Variants in ADD2 observed in about 807,000 individuals in gnomAD.
The protein encoded by ADD2 is adducin 2.
Under a neutral mutation model 83.0 loss-of-function variants are expected in ADD2, and 23 were observed. That is an observed-to-expected ratio of 0.28 (90% CI 0.20 to 0.39). The LOEUF (loss-of-function observed/expected upper bound fraction) is 0.39. Among genes scored for constraint, ADD2 ranks in the 10% least tolerant of loss-of-function variants. ADD2 has a pLI of 1.00. For missense variants in ADD2, 758 were observed against 944.9 expected (o/e 0.80, Z 2.59); for synonymous variants, 375 against 375.4 (o/e 1.00, Z 0.01).
intron 6 of ADD2, among the ~76,000 whole-genome samples, chr2:70,693,256 C>T (rs1326700347): frequency 4.6e-5 from 7 of 152,196 alleles, no homozygotes; most frequent in South Asian, 2.1e-4. Flanking sequence ...CCTCCCAGTA[C>T]GCTCTCACTG....
At position 70,695,780 on chromosome 2, in the gene ADD2, C is replaced by G. The variant is rs782679239; in HGVS notation, c.496G>C (p.Asp166His). Reference protein sequence around the residue: ...YVTLRVSKEQDHFLISPKGVS... With the variant: ...YVTLRVSKEQHHFLISPKGVS... ...CCCTTAGGGCTGATCAGGAAGTGGT[C>G]CTGCTCCTTGCTGACTCTCAACTGG... The change falls in exon 6 of 16, where the codon GAC becomes CAC. Residue 166 changes from aspartate (D) to histidine (H), a missense_variant. By Grantham distance (81) the Asp-to-His change is moderately conservative. Around this residue, in one of 5 missense-constraint regions of ADD2, gnomAD observed 394 missense variants for 509.3 expected, o/e 0.77. Coordinates refer to ENST00000264436, the MANE Select transcript of ADD2 (RefSeq NM_001617.4). 3.1e-6 allele frequency: 5 copies of G among 1,614,110 alleles called. No homozygotes were observed. The Admixed American group carries it at 5.0e-5, about 16-fold the overall frequency.
chr2:70,717,394 C>T (rs527381651), intron 1 of ADD2, among the ~76,000 whole-genome samples: 18 of 152,282 alleles, frequency 1.2e-4, no homozygotes, highest in South Asian at 2.1e-4. Context: ...TTGTTAAAAT[C>T]GGCTTAAGCT....
intron 1 of ADD2, among the ~76,000 whole-genome samples, chr2:70,738,834 T>C (rs1024778102): frequency 7.2e-5 from 11 of 152,182 alleles, no homozygotes; most frequent in Non-Finnish European, 1.6e-4. Flanking sequence ...AGCTGAGCCA[T>C]AAGCAGAAGA....
Position 70,736,824 on chromosome 2 carries a change from A to C in ADD2, c.-153-23640T>G, listed in dbSNP as rs142510530. ...GAATGCTCGAATAATATGAGCTTGG[A>C]GGTAAGCAGAATCATTAGTCCAGGA... On this transcript the variant is annotated intron_variant, in intron 1 of 15. Coordinates refer to ENST00000264436, the MANE Select transcript of ADD2 (RefSeq NM_001617.4). Among the ~76,000 whole-genome samples, 1,206 of 151,254 alleles carry C rather than the reference A, an allele frequency of 8.0e-3. 12 individuals are homozygous for C. The highest frequency in any genetic ancestry group is 0.028 in the African/African-American group (1,146 of 41,068).
In ADD2 at chr2:70,706,302, T is replaced by G; in HGVS notation, c.107A>C (p.Asn36Thr). ...GTCCTGCCGCAGGTCCGCCGCCCGG[T>G]TGCGAAGGCGCATGTACTCGGGGTC... ...EDDPEYMRLR[N>T]RAADLRQDFN... Residue 36 changes from asparagine (N) to threonine (T), a missense_variant, in exon 3 of 16, where the codon AAC becomes ACC. Coordinates refer to ENST00000264436, the MANE Select transcript of ADD2 (RefSeq NM_001617.4). This position sits in a 1 kb window ranked among gnomAD's most constrained non-coding sequence, Gnocchi z 5.0. 3.7e-6 allele frequency: 6 copies of G among 1,614,072 alleles called. No homozygotes were observed. The highest frequency in any genetic ancestry group is 5.1e-6 in the Non-Finnish European group (6 of 1,179,996).
intron 10 of ADD2, among the ~76,000 whole-genome samples, chr2:70,680,313 T>A (rs1230343894): frequency 3.3e-5 from 5 of 152,214 alleles, no homozygotes; most frequent in Non-Finnish European, 7.3e-5. Context: ...ATAAAGTGCC[T>A]GCTTTTCCTG....
chr2:70,732,204 T>C (rs1025899335), intron 1 of ADD2, among the ~76,000 whole-genome samples: 2 of 152,078 alleles, frequency 1.3e-5, no homozygotes, highest in Admixed American at 6.5e-5. Flanking sequence ...CGAAAATATA[T>C]AGTATGAAGC....
intron 1 of ADD2, among the ~76,000 whole-genome samples, chr2:70,746,017 A>G (rs1297472157): frequency 1.3e-5 from 2 of 152,260 alleles, no homozygotes; most frequent in African/African-American, 2.4e-5. Flanking sequence ...TAAATAATAG[A>G]TATCCCTTTT....
At chr2:70,717,347 A>G (rs1016178247) in intron 1 of ADD2, among the ~76,000 whole-genome samples, 4 of 152,218 alleles carry the variant, frequency 2.6e-5, no homozygotes, top group Non-Finnish European at 4.4e-5. Flanking sequence ...CAAAAGGTCT[A>G]CAAGGGGAGT....
At chr2:70,687,903 G>A in intron 9 of ADD2, 121 bp downstream of exon 9, 1 of 685,322 alleles carries the variant, frequency 1.5e-6, no homozygotes, top group South Asian at 1.9e-5. Context: ...AATAGGGCAA[G>A]GCTTTTAGAT....
chr2:70,682,438 T>C (rs1310564718), intron 10 of ADD2, among the ~76,000 whole-genome samples: 1 of 152,188 alleles, frequency 6.6e-6, no homozygotes, highest in Non-Finnish European at 1.5e-5. Flanking sequence ...AAAGCGGCCC[T>C]CATGGTCAGC....
intron 15 of ADD2, among the ~76,000 whole-genome samples, chr2:70,665,650 C>A (rs1424265224): frequency 1.3e-5 from 2 of 152,126 alleles, no homozygotes; most frequent in South Asian, 4.1e-4. Context: ...TCCTCTGTGT[C>A]CCCAGCCTTC....
intron 1 of ADD2, among the ~76,000 whole-genome samples, chr2:70,763,296 G>A (rs1484019725): frequency 1.3e-5 from 2 of 151,968 alleles, no homozygotes; most frequent in African/African-American, 4.8e-5. Context: ...GGTTGTCATT[G>A]AAGACAGGCA....
intron 15 of ADD2, among the ~76,000 whole-genome samples, chr2:70,670,578 C>G (rs988684324): frequency 2.0e-5 from 3 of 152,164 alleles, no homozygotes; most frequent in Non-Finnish European, 2.9e-5. Context: ...TTCAGAGAGG[C>G]TGATGGGGTA....
At chr2:70,698,955 C>A (rs1671444163) in intron 4 of ADD2, among the ~76,000 whole-genome samples, 1 of 152,134 alleles carries the variant, frequency 6.6e-6, no homozygotes, top group African/African-American at 2.4e-5. Context: ...AACAACCTAT[C>A]TGGGCTTGAA....
Position 70,663,519 on chromosome 2 carries a change from C to T in ADD2, c.2087G>A (p.Gly696Asp). Reference protein sequence around the residue: ...SVTSGPMSPEGSPSKSPSKKK... With the variant: ...SVTSGPMSPEDSPSKSPSKKK... ...CTTTGAGGGAGACTTGGAAGGTGAG[C>T]CCTCTGGGGACATGGGGCCGCTGGT... Residue 696 changes from glycine to aspartate, a missense_variant, in exon 16 of 16, where the codon GGC becomes GAC. Coordinates refer to ENST00000264436, the MANE Select transcript of ADD2 (RefSeq NM_001617.4). The T allele has an allele frequency of 6.2e-7, 1 of 1,614,078 alleles. No individual in the cohort carries two copies. The highest frequency in any genetic ancestry group is 8.5e-7 in the Non-Finnish European group (1 of 1,180,012).
intron 9 of ADD2, among the ~76,000 whole-genome samples, chr2:70,684,509 A>G (rs1305929570): frequency 6.6e-6 from 1 of 152,136 alleles, no homozygotes; most frequent in African/African-American, 2.4e-5. Flanking sequence ...TTGGCCTCCC[A>G]ATGTGCTGGG....
chr2:70,697,317 C>T (rs557297510), intron 4 of ADD2, among the ~76,000 whole-genome samples: 13 of 152,276 alleles, frequency 8.5e-5, no homozygotes, highest in South Asian at 2.1e-4. Context: ...CTTAGCTATA[C>T]GGTGGTTCTT....
At chr2:70,665,822 T>G (rs1256776531) in intron 15 of ADD2, among the ~76,000 whole-genome samples, 1 of 151,736 alleles carries the variant, frequency 6.6e-6, no homozygotes, top group Non-Finnish European at 1.5e-5. Context: ...TTTTTTGTTT[T>G]TTTTTTTTTC....
Sources: allele counts gnomAD v4.1 joint callset (sites outside exome capture counted in the v4.1 genomes callset), GRCh38; gene constraint gnomAD v4.1.1; regional missense constraint gnomAD v4.1.1; non-coding constraint Gnocchi (gnomAD v3.1); transcripts MANE v1.5; gene names NCBI Gene and HGNC (gene_info 2026-07-23, HGNC 2026-07-21).